Variants in KLHL1 observed in about 807,000 individuals in gnomAD.
KLHL1 encodes the protein kelch like family member 1, also known as kelch-like protein 1.
A neutral mutation model predicts 77.7 loss-of-function variants in KLHL1; 47 were observed. The observed-to-expected ratio is 0.60, with a 90% CI of 0.48 to 0.77. KLHL1 has a LOEUF of 0.77. Among genes scored for constraint, KLHL1 ranks in the 30% least tolerant of loss-of-function variants. The pLI, the probability that KLHL1 is intolerant of heterozygous loss-of-function variation, is 0.00. For missense variants in KLHL1, 925 were observed against 910.8 expected (o/e 1.02, Z -0.20); for synonymous variants, 360 against 325.2 (o/e 1.11, Z -1.15).
rs1888093934 is a variant in KLHL1, at chr13:70,107,400, G to A, written c.300C>T (p.Ala100=). The change falls in exon 1 of 11, where the codon GCC becomes GCT. Residue 100 remains alanine (A), a synonymous_variant. Coordinates refer to ENST00000377844, the MANE Select transcript of KLHL1 (RefSeq NM_020866.3). ...NPLNGTLLPV[A]TRLQQGAPGQ... is the part of the protein sequence containing the mutation. Reference sequence around the variant, plus strand: ...CAGGAGCCCCTTGCTGCAGCCTCGTGGCAACTGGAAGCAGGGTGCCATTCA... The same window carrying A: ...CAGGAGCCCCTTGCTGCAGCCTCGTAGCAACTGGAAGCAGGGTGCCATTCA... 1.2e-6 allele frequency: 2 copies of A among 1,613,558 alleles called. No homozygotes were observed. Among genetic ancestry groups the A allele is most frequent in the South Asian group, 2.2e-5 (2 of 91,094 alleles).
intron 5 of KLHL1, among the ~76,000 whole-genome samples, chr13:69,874,338 G>A (rs761595716): frequency 6.6e-6 from 1 of 151,938 alleles, no homozygotes; most frequent in Non-Finnish European, 1.5e-5. Flanking sequence ...GTTATGTTAT[G>A]TATTTAAATT....
chr13:69,927,625 T>C (rs1207844146), intron 4 of KLHL1, among the ~76,000 whole-genome samples: 1 of 152,196 alleles, frequency 6.6e-6, no homozygotes, highest in Non-Finnish European at 1.5e-5. Flanking sequence ...AAAGAGGATA[T>C]ATAAATGTCC....
At chr13:69,761,537 A>T (rs1456979563) in intron 7 of KLHL1, among the ~76,000 whole-genome samples, 1 of 152,166 alleles carries the variant, frequency 6.6e-6, no homozygotes, top group Non-Finnish European at 1.5e-5. Context: ...AACAGTATAT[A>T]TAAGGTTGGT....
At chr13:69,975,975 G>A (rs1405271445) in intron 1 of KLHL1, among the ~76,000 whole-genome samples, 173 bp from the exon 2 acceptor site, 1 of 152,068 alleles carries the variant, frequency 6.6e-6, no homozygotes, top group African/African-American at 2.4e-5. Context: ...ATAATCTATT[G>A]TGGGATAAGT....
intron 6 of KLHL1, among the ~76,000 whole-genome samples, chr13:69,834,885 G>A (rs1392486521): frequency 6.6e-6 from 1 of 151,996 alleles, no homozygotes; most frequent in East Asian, 1.9e-4. Flanking sequence ...TTAGAAGTGT[G>A]GGATTTGGTC....
intron 4 of KLHL1, among the ~76,000 whole-genome samples, chr13:69,910,718 G>C (rs1433281230): frequency 6.6e-6 from 1 of 151,730 alleles, no homozygotes; most frequent in African/African-American, 2.4e-5. Flanking sequence ...GGATAGACGT[G>C]ATAAAGCCCA....
chr13:69,976,947 G>C (rs1268990742), intron 1 of KLHL1, among the ~76,000 whole-genome samples: 1 of 152,048 alleles, frequency 6.6e-6, no homozygotes, highest in African/African-American at 2.4e-5. Flanking sequence ...CATAGAGTGA[G>C]AGTCCAAGGA....
intron 4 of KLHL1, among the ~76,000 whole-genome samples, chr13:69,892,252 T>G (rs1881450378): frequency 6.6e-6 from 1 of 152,170 alleles, no homozygotes; most frequent in Non-Finnish European, 1.5e-5. Context: ...TTTTAACAGC[T>G]TAGAAGAAAA....
In KLHL1 at chr13:70,024,620, T is replaced by TTCTCTCTCTCTCTTTCTCTCTTTCTCTC. The variant is rs1555291446; in HGVS notation, c.498-48819_498-48818insGAGAGAAAGAGAGAAAGAGAGAGAGAGA. 4.7e-3 allele frequency among the ~76,000 whole-genome samples: 607 copies of TTCTCTCTCTCTCTTTCTCTCTTTCTCTC among 130,344 alleles called. 8 individuals are homozygous for TTCTCTCTCTCTCTTTCTCTCTTTCTCTC. The highest frequency in any genetic ancestry group is 0.015 in the African/African-American group (588 of 38,078). 85.5% of individuals were successfully genotyped at this position (130,344 alleles called of 152,430 possible). On this transcript the variant is annotated intron_variant, in intron 1 of 10. Transcript: ENST00000377844. ...CTGGTTAGGGGTGAGGAGAAAAGAT[T>TTCTCTCTCTCTCTTTCTCTCTTTCTCTC]TCTCTCTCTCTCTCTCTCTCTCTCT... is the stretch of plus-strand genomic sequence containing the variant.
At chr13:69,797,827 TAAA>T (rs35332261) in intron 6 of KLHL1, among the ~76,000 whole-genome samples, 9 of 130,710 alleles carry the variant, frequency 6.9e-5, no homozygotes, top group African/African-American at 2.0e-4. Flanking sequence ...AGACTCCATC[TAAA>T]AAAAAAAAAA....
At chr13:70,022,238 C>T (rs1170829537) in intron 1 of KLHL1, among the ~76,000 whole-genome samples, 1 of 150,312 alleles carries the variant, frequency 6.7e-6, no homozygotes, top group African/African-American at 2.4e-5. Context: ...ACACTTTTTC[C>T]CTCTTTGCTC....
chr13:69,846,779 T>G (rs1879477793), intron 5 of KLHL1, among the ~76,000 whole-genome samples: 1 of 151,396 alleles, frequency 6.6e-6, no homozygotes, highest in African/African-American at 2.4e-5. Flanking sequence ...TTGCTGAGTG[T>G]TTTAATCCTG....
intron 1 of KLHL1, among the ~76,000 whole-genome samples, chr13:69,980,742 G>C (rs1158599608): frequency 6.6e-6 from 1 of 151,926 alleles, no homozygotes; most frequent in African/African-American, 2.4e-5. Flanking sequence ...TATATTGTGT[G>C]GTGCTGAGGG....
chr13:69,785,397 C>G lies in KLHL1; in HGVS notation c.1639+11341G>C, dbSNP rs945711280. On this transcript the variant is annotated intron_variant, in intron 7 of 10. Coordinates refer to ENST00000377844, the MANE Select transcript of KLHL1 (RefSeq NM_020866.3). ...CATGGAAACTGAACAACCTGCTCCTCAATGACTACTGGGTACATAACGAAA... is the reference window on the plus strand; with the variant it reads ...CATGGAAACTGAACAACCTGCTCCTGAATGACTACTGGGTACATAACGAAA... Among the ~76,000 whole-genome samples, 121 of 152,236 alleles carry G rather than the reference C, an allele frequency of 7.9e-4. 1 individual carries two copies. Among genetic ancestry groups the G allele is most frequent in the African/African-American group, 2.9e-3 (119 of 41,554 alleles).
intron 7 of KLHL1, among the ~76,000 whole-genome samples, chr13:69,753,207 C>G (rs1016356016): frequency 1.3e-5 from 2 of 152,080 alleles, no homozygotes; most frequent in Admixed American, 1.3e-4. Flanking sequence ...GACTCTTCTA[C>G]TCAGTGAACC....
In KLHL1 at chr13:69,756,387, T is replaced by G. The variant is rs141830284; in HGVS notation, c.1640-15831A>C. On this transcript the variant is annotated intron_variant, in intron 7 of 10. Transcript: ENST00000377844. The stretch of plus-strand genomic sequence containing the variant: ...CTAAAATGAATTTCTGATCAATATT[T>G]TATTGATTCTTTAAATTCTTTATGG... Among the ~76,000 whole-genome samples the G allele has an allele frequency of 4.6e-5, 7 of 152,316 alleles. 1 individual carries two copies. The highest frequency in any genetic ancestry group is 4.1e-4 in the South Asian group (2 of 4,832).
intron 1 of KLHL1, among the ~76,000 whole-genome samples, chr13:70,070,157 A>G (rs1343063138): frequency 6.6e-6 from 1 of 151,960 alleles, no homozygotes; most frequent in Non-Finnish European, 1.5e-5. Flanking sequence ...GTCTCGAAAA[A>G]AAAAAAAGAA....
intron 1 of KLHL1, among the ~76,000 whole-genome samples, chr13:70,016,198 A>C (rs1331804160): frequency 6.6e-6 from 1 of 152,246 alleles, no homozygotes; most frequent in East Asian, 1.9e-4. Context: ...ATAGTTCTCC[A>C]ATTTAACCTA....
chr13:69,910,178 A>C (rs1882190613), intron 4 of KLHL1, among the ~76,000 whole-genome samples: 1 of 152,148 alleles, frequency 6.6e-6, no homozygotes, highest in Admixed American at 6.6e-5. Flanking sequence ...TGCACCACAA[A>C]TAATTATACT....
Sources: gnomAD v4.1 joint callset for allele counts (sites outside exome capture counted in the v4.1 genomes callset) on GRCh38, gnomAD v4.1.1 for gene constraint, MANE v1.5 for transcripts, NCBI Gene and HGNC (gene_info 2026-07-23, HGNC 2026-07-21) for gene names.